ZSCAN4: variants seen among roughly 807,000 people sequenced by gnomAD.
ZSCAN4 encodes the protein zinc finger and SCAN domain-containing protein 4.
Under a neutral mutation model 18.3 loss-of-function variants are expected in ZSCAN4, and 18 were observed. That is an observed-to-expected ratio of 0.98 (90% CI 0.68 to 1.46). The LOEUF (loss-of-function observed/expected upper bound fraction) is 1.46, where lower values mean the gene tolerates loss of function less well. Ranked by LOEUF, ZSCAN4 falls within the 40% of genes most tolerant of loss-of-function variation. The pLI is 0.00. For synonymous variants in ZSCAN4, 193 were observed against 180.3 expected (o/e 1.07, Z -0.57); for missense variants, 498 against 511.4 (o/e 0.97, Z 0.25).
At chr19:57,658,663 G>A in the ZSCAN4 span, among the ~76,000 whole-genome samples, 5 of 151,572 alleles carry the variant, frequency 3.3e-5, no homozygotes, top group African/African-American at 1.2e-4. Context: ...GCGAAACCCC[G>A]TCCCTACTAA....
the ZSCAN4 span, among the ~76,000 whole-genome samples, chr19:57,662,835 C>T: frequency 2.0e-5 from 3 of 152,272 alleles, no homozygotes; most frequent in East Asian, 1.9e-4. Flanking sequence ...GTTGAGATTA[C>T]AGGCGTGAGT....
At chr19:57,678,209 T>C in exon 5 of ZSCAN4, 1 of 1,614,162 alleles carries the variant, frequency 6.2e-7, no homozygotes, top group Non-Finnish European at 8.5e-7. Flanking sequence ...CTTCGAAAAC[T>C]ACTCGAGTAA....
At chr19:57,676,612 G>A in intron 3 of ZSCAN4, 71 bp downstream of exon 3, 1 of 1,510,746 alleles carries the variant, frequency 6.6e-7, no homozygotes, top group Non-Finnish European at 8.9e-7. Context: ...GTCAGTTAGA[G>A]TTGTCTGGAA....
At chr19:57,656,670 A>G in the ZSCAN4 span, among the ~76,000 whole-genome samples, 2 of 152,250 alleles carry the variant, frequency 1.3e-5, no homozygotes, top group Non-Finnish European at 2.9e-5. Context: ...AGGGCCAACT[A>G]CAGCCTGGGA....
At chr19:57,669,125 A>C (rs1483088817) in exon 1 of ZSCAN4, 1 of 146,488 alleles carries the variant, frequency 6.8e-6, no homozygotes, top group Non-Finnish European at 1.5e-5. Context: ...CCGTGGCGTA[A>C]TCTCGGCTCA....
At chr19:57,670,056 C>G (rs2360526) in intron 1 of ZSCAN4, among the ~76,000 whole-genome samples, 189 bp from the exon 2 acceptor site, 77,992 of 151,674 alleles carry the variant, frequency 0.51, 20,437 homozygotes, top group Middle Eastern at 0.59. Context: ...GTGCCCACCA[C>G]CATGCCCGGC....
the ZSCAN4 span, among the ~76,000 whole-genome samples, chr19:57,657,815 A>G: frequency 1.3e-5 from 2 of 152,184 alleles, no homozygotes; most frequent in Non-Finnish European, 2.9e-5. Context: ...TAAATTACTT[A>G]TAATACCTAA....
upstream of ZSCAN4, chr19:57,664,712 G>T: frequency 9.0e-6 from 2 of 221,422 alleles, no homozygotes; most frequent in South Asian, 1.6e-4. Context: ...TTTGGGATTC[G>T]AATTCAGTGG....
At chr19:57,665,978 G>T (rs142817947), upstream of ZSCAN4, among the ~76,000 whole-genome samples, 1 of 152,216 alleles carries the variant, frequency 6.6e-6, no homozygotes, top group East Asian at 1.9e-4. Flanking sequence ...AATCATCTTA[G>T]GACAATTTTT....
chr19:57,675,893 C>T (rs1984165177), intron 2 of ZSCAN4, 148 bp from the exon 3 acceptor site: 1 of 331,202 alleles, frequency 3.0e-6, no homozygotes, highest in Admixed American at 4.4e-5. Flanking sequence ...GGTAGTGCTT[C>T]CTCTTATATG....
intron 2 of ZSCAN4, among the ~76,000 whole-genome samples, chr19:57,675,549 T>C (rs369687040): frequency 1.3e-5 from 2 of 152,314 alleles, no homozygotes; most frequent in Admixed American, 6.5e-5. Context: ...CCCACAGTTC[T>C]GGGATTATAG....
chr19:57,673,503 G>A (rs74521263), intron 2 of ZSCAN4, among the ~76,000 whole-genome samples: 247 of 152,072 alleles, frequency 1.6e-3, no homozygotes, highest in African/African-American at 5.5e-3. Flanking sequence ...AGTGTGGTGC[G>A]TGCCTGTAGT....
At chr19:57,674,956 GT>G (rs11303340) in intron 2 of ZSCAN4, among the ~76,000 whole-genome samples, 27,790 of 128,430 alleles carry the variant, frequency 0.22, 3,275 homozygotes, top group Non-Finnish European at 0.29. Context: ...TTCACATCAA[GT>G]TTTTTTTTTT....
chr19:57,657,106 A>G, the ZSCAN4 span, among the ~76,000 whole-genome samples: 1 of 152,108 alleles, frequency 6.6e-6, no homozygotes, highest in South Asian at 2.1e-4. Context: ...ATTATCCGGG[A>G]GTGTCCAGGA....
exon 3 of ZSCAN4, chr19:57,676,254 G>A (rs2122306627): frequency 6.2e-7 from 1 of 1,614,176 alleles, no homozygotes; most frequent in South Asian, 1.1e-5. Flanking sequence ...TCAGAGAGAA[G>A]AAGGGATTTC....
At chr19:57,654,467 T>G in the ZSCAN4 span, among the ~76,000 whole-genome samples, 1 of 152,044 alleles carries the variant, frequency 6.6e-6, no homozygotes, top group Non-Finnish European at 1.5e-5. Flanking sequence ...CTACATTCCT[T>G]TGTCAGCCCA....
In ZSCAN4 at chr19:57,676,024, C is replaced by T; in HGVS notation, c.-105-17C>T. ...GCCAGTGGTGCAATTAATTACTCATCTCTTTTCTATTTCTAGCTTGCAGTT... is the reference window on the plus strand; with the variant it reads ...GCCAGTGGTGCAATTAATTACTCATTTCTTTTCTATTTCTAGCTTGCAGTT... On this transcript the variant is annotated splice_polypyrimidine_tract_variant and intron_variant, in intron 2 of 4. Transcript: ENST00000318203. 1.0e-6 allele frequency: 1 copy of T among 1,004,880 alleles called. No individual in the cohort carries two copies. The highest frequency in any genetic ancestry group is 1.4e-6 in the Non-Finnish European group (1 of 706,396). 62.2% of individuals were successfully genotyped at this position (1,004,880 alleles called of 1,614,324 possible).
chr19:57,655,168 C>T, the ZSCAN4 span, among the ~76,000 whole-genome samples: 22,057 of 152,070 alleles, frequency 0.15, 2,687 homozygotes, highest in African/African-American at 0.33. Context: ...CTTTCTCATA[C>T]AAAGAACCTC....
intron 2 of ZSCAN4, among the ~76,000 whole-genome samples, chr19:57,675,506 T>C (rs1984155875): frequency 6.6e-6 from 1 of 152,188 alleles, no homozygotes; most frequent in South Asian, 2.1e-4. Context: ...AGTCTCGAAC[T>C]CCTGACCTCA....
Sources: gnomAD v4.1 joint callset for allele counts (sites outside exome capture counted in the v4.1 genomes callset) on GRCh38, gnomAD v4.1.1 for gene constraint, MANE v1.5 for transcripts, NCBI Gene and HGNC (gene_info 2026-07-23, HGNC 2026-07-21) for gene names.